NDUFA5: variants seen among roughly 807,000 people sequenced by gnomAD.
NDUFA5 encodes the protein NADH dehydrogenase [ubiquinone] 1 alpha subcomplex subunit 5.
In NDUFA5, 11 loss-of-function variants were observed where a neutral mutation model predicts 19.8. That is an observed-to-expected ratio of 0.56 (90% confidence interval 0.35 to 0.92). The LOEUF is 0.92. NDUFA5 is among the 40% of genes least tolerant of loss of function. The pLI is 0.01. For synonymous variants in NDUFA5, 47 were observed against 46.8 expected, an observed-to-expected ratio of 1.00 and a Z score of -0.01; for missense variants, 109 against 134.2, an observed-to-expected ratio of 0.81 and a Z score of 0.93.
chr7:123,591,680 G>C, the NDUFA5 span, among the ~76,000 whole-genome samples: 8 of 152,256 alleles, frequency 5.3e-5, no homozygotes, highest in African/African-American at 1.7e-4. Flanking sequence ...GCTTTTTGAC[G>C]TGTTGCTGGA....
At chr7:123,549,886 A>G (rs551386556) in intron 3 of NDUFA5, among the ~76,000 whole-genome samples, 1 of 152,360 alleles carries the variant, frequency 6.6e-6, no homozygotes, top group African/African-American at 2.4e-5. Flanking sequence ...TAATAAGAAG[A>G]AATATATGTG....
chr7:123,599,654 C>G, the NDUFA5 span, among the ~76,000 whole-genome samples: 30 of 152,128 alleles, frequency 2.0e-4, no homozygotes, highest in Non-Finnish European at 1.0e-4. Context: ...ATAGGTGGGT[C>G]CAAGGACAGT....
intron 2 of NDUFA5, chr7:123,556,383 T>C (rs1798539543): frequency 6.4e-6 from 1 of 155,362 alleles, no homozygotes; most frequent in Non-Finnish European, 1.4e-5. Context: ...AGGTGGTATT[T>C]AAAACCGTTC....
At chr7:123,580,965 A>G in the NDUFA5 span, among the ~76,000 whole-genome samples, 7 of 151,830 alleles carry the variant, frequency 4.6e-5, no homozygotes. Flanking sequence ...AAGAGTTCAA[A>G]ATACAGAACA....
At chr7:123,598,034 G>A in the NDUFA5 span, among the ~76,000 whole-genome samples, 1 of 150,070 alleles carries the variant, frequency 6.7e-6, no homozygotes, top group Non-Finnish European at 1.5e-5. Flanking sequence ...CTATACAATG[G>A]TAAGCTTTTG....
Position 123,538,150 on chromosome 7 carries a change from T to C in NDUFA5, c.*3969A>G, listed in dbSNP as rs965881111. ...CCATGTTCCAATTCCCCACCACCAC[T>C]ATGGTCATGGAAATATATGTTGATG... is the stretch of plus-strand genomic sequence containing the variant. On this transcript the variant is annotated 3_prime_UTR_variant, in exon 5 of 5. Transcript: ENST00000355749. 1 of 152,190 alleles carries C rather than the reference T, an allele frequency of 6.6e-6. No homozygotes were observed. Among genetic ancestry groups the C allele is most frequent in the Non-Finnish European group, 1.5e-5 (1 of 68,020 alleles). The allele number at this position is 152,190 out of a possible 1,614,324, so 9.4% of individuals were successfully genotyped here. A position where few individuals can be genotyped will look rare whatever the true frequency, so the allele number is the denominator to read the frequency against.
chr7:123,537,496 T>TAA lies in NDUFA5; in HGVS notation c.*4622_*4623insTT, dbSNP rs1259584098. 1.4e-4 allele frequency: 21 copies of TAA among 151,614 alleles called. No individual in the cohort carries two copies. The highest frequency in any genetic ancestry group is 4.6e-4 in the African/African-American group (19 of 40,884). The allele number at this position is 151,614 out of a possible 1,614,324, so 9.4% of individuals were successfully genotyped here. ...AACCTTTTAAGACAGATGTGTTTGA[T>TAA]ATTCACAATTTTTCAGATTTTTGAA... On this transcript the variant is annotated 3_prime_UTR_variant, in exon 5 of 5. Transcript: ENST00000355749.
the NDUFA5 span, among the ~76,000 whole-genome samples, chr7:123,577,885 G>A: frequency 1.8e-4 from 28 of 152,126 alleles, no homozygotes; most frequent in East Asian, 2.3e-3. Flanking sequence ...GTCTTTGCAT[G>A]TAGAAATTAC....
chr7:123,587,041 A>C, the NDUFA5 span, among the ~76,000 whole-genome samples: 23 of 151,752 alleles, frequency 1.5e-4, no homozygotes, highest in East Asian at 4.1e-3. Context: ...AGATTGATTT[A>C]GCCATTTAAG....
the NDUFA5 span, among the ~76,000 whole-genome samples, chr7:123,581,286 T>C: frequency 6.6e-6 from 1 of 151,834 alleles, no homozygotes; most frequent in Admixed American, 6.6e-5. Context: ...CCTAACACTT[T>C]GAATTCAAAA....
the NDUFA5 span, among the ~76,000 whole-genome samples, chr7:123,573,733 T>C: frequency 6.6e-6 from 1 of 152,180 alleles, no homozygotes; most frequent in African/African-American, 2.4e-5. Context: ...TGGTTCCCAT[T>C]ATCCAGAAAG....
upstream of NDUFA5, among the ~76,000 whole-genome samples, chr7:123,560,166 G>A (rs1363516217): frequency 6.6e-6 from 1 of 152,016 alleles, no homozygotes; most frequent in Non-Finnish European, 1.5e-5. Context: ...AACAAGCTGG[G>A]AAAAGAAGAG....
chr7:123,578,617 G>A, the NDUFA5 span, among the ~76,000 whole-genome samples: 2 of 151,782 alleles, frequency 1.3e-5, no homozygotes, highest in Admixed American at 6.6e-5. Context: ...GCCAATTTTT[G>A]TATATACTCT....
the NDUFA5 span, among the ~76,000 whole-genome samples, chr7:123,590,440 C>A: frequency 1.3e-5 from 2 of 151,856 alleles, no homozygotes; most frequent in African/African-American, 4.8e-5. Flanking sequence ...TCTTCTAGGG[C>A]TTTTATGGTT....
the NDUFA5 span, among the ~76,000 whole-genome samples, chr7:123,588,743 C>T: frequency 4.0e-5 from 6 of 151,556 alleles, no homozygotes; most frequent in Non-Finnish European, 5.9e-5. Context: ...GCTTTTGCTA[C>T]ATCTTGCGAG....
In NDUFA5 at chr7:123,550,508, C is replaced by A; in HGVS notation, c.145G>T (p.Glu49Ter). ...PKNAAYRKYT[E>*]QITNEKLAMV... ...GCCAGCTTCTCATTTGTAATCTGTT[C>A]TGTATACTTTCTATATGCTGCATTT... Residue 49 changes from glutamate to a stop codon, truncating the protein, a stop_gained, in exon 3 of 5, where the codon GAA becomes TAA. Coordinates refer to ENST00000355749, the MANE Select transcript of NDUFA5 (RefSeq NM_005000.5). LOFTEE classifies it high-confidence loss of function. 6.2e-7 allele frequency: 1 copy of A among 1,609,906 alleles called. No individual in the cohort carries two copies. Among genetic ancestry groups the A allele is most frequent in the East Asian group, 2.2e-5 (1 of 44,728 alleles).
intron 2 of NDUFA5, chr7:123,554,976 C>T (rs1937442202): frequency 6.6e-6 from 1 of 152,294 alleles, no homozygotes; most frequent in Non-Finnish European, 1.5e-5. Flanking sequence ...GCCAGCACGT[C>T]CAGCCTGCTT....
intron 4 of NDUFA5, among the ~76,000 whole-genome samples, chr7:123,545,193 A>C (rs1798085558): frequency 6.6e-6 from 1 of 152,150 alleles, no homozygotes. Flanking sequence ...TAACTTGCTC[A>C]AATGCTCAAG....
At chr7:123,551,211 CTTT>C (rs113161747) in intron 2 of NDUFA5, among the ~76,000 whole-genome samples, 1 of 128,158 alleles carries the variant, frequency 7.8e-6, no homozygotes. Context: ...TTCTTTCTTT[CTTT>C]TTTTTTTTTT....
Sources: allele counts gnomAD v4.1 joint callset (sites outside exome capture counted in the v4.1 genomes callset), GRCh38; gene constraint gnomAD v4.1.1; transcripts MANE v1.5; gene names NCBI Gene and HGNC (gene_info 2026-07-23, HGNC 2026-07-21).